Variants in ENPP3 observed in about 807,000 individuals in gnomAD.
ENPP3 encodes ectonucleotide pyrophosphatase/phosphodiesterase 3.
In ENPP3, 104 loss-of-function variants were observed where a neutral mutation model predicts 117.8. The ratio of observed to expected loss-of-function variants is 0.88; its 90% CI spans 0.75 to 1.04. The LOEUF (loss-of-function observed/expected upper bound fraction) is 1.04, where lower values mean the gene tolerates loss of function less well. Ranked by LOEUF, ENPP3 falls within the 50% of genes least tolerant of loss-of-function variation. The pLI, the probability that ENPP3 is intolerant of heterozygous loss-of-function variation, is 0.00. For synonymous variants in ENPP3, 380 were observed against 349.9 expected (o/e 1.09, Z -0.96); for missense variants, 1,026 against 1,051.9 (o/e 0.98, Z 0.34).
rs371355267 is a variant in ENPP3 at position 131,676,801 on chromosome 6, G to T, written c.938G>T (p.Arg313Ile). Residue 313 changes from arginine to isoleucine, a missense_variant and splice_region_variant, in exon 10 of 25, where the codon AGA becomes ATA. By Grantham distance (97) the Arg-to-Ile change is moderately conservative. Transcript: ENST00000357639. ...LKWLDLPKAE[R>I]PRFYTMYFEE... ...TGGCTGGACCTGCCCAAAGCTGAAA[G>T]GTAATGTCTAGTGTCAGAAAAGTGC... The T allele has an allele frequency of 1.2e-6, 2 of 1,604,040 alleles. No homozygotes were observed. Among genetic ancestry groups the T allele is most frequent in the Non-Finnish European group, 1.7e-6 (2 of 1,171,146 alleles).
At chr6:131,674,099 T>G in intron 7 of ENPP3, 63 bp from the exon 8 acceptor site, 1 of 1,037,350 alleles carries the variant, frequency 9.6e-7, no homozygotes, top group Middle Eastern at 3.2e-4. Flanking sequence ...GTGTGCTATT[T>G]TAATTTAAAT....
intron 2 of ENPP3, among the ~76,000 whole-genome samples, chr6:131,642,201 T>G (rs1286995003): frequency 4.6e-5 from 7 of 152,100 alleles, no homozygotes; most frequent in African/African-American, 1.7e-4. Flanking sequence ...CACTTAGTCT[T>G]GAAAGTCTTT....
chr6:131,739,241 A>G lies in ENPP3; in HGVS notation c.2301-983A>G, dbSNP rs181642191. Among the ~76,000 whole-genome samples, 43 of 152,324 alleles carry G rather than the reference A, an allele frequency of 2.8e-4. No individual in the cohort carries two copies. The East Asian group carries it at 7.3e-3, about 26-fold the overall frequency. Reference sequence around the variant, plus strand: ...ACAGTAATACATTTCTATTTATACCAGCTTGTATTCCTTTGGTGGAGTCAG... The same window carrying G: ...ACAGTAATACATTTCTATTTATACCGGCTTGTATTCCTTTGGTGGAGTCAG... On this transcript the variant is annotated intron_variant, in intron 23 of 24. Coordinates refer to ENST00000357639, the MANE Select transcript of ENPP3 (RefSeq NM_005021.5).
At chr6:131,698,103 G>A (rs1779448961) in intron 15 of ENPP3, among the ~76,000 whole-genome samples, 1 of 151,854 alleles carries the variant, frequency 6.6e-6, no homozygotes, top group Non-Finnish European at 1.5e-5. Flanking sequence ...ATGTGTGTGG[G>A]TGTGTGTGTG....
intron 15 of ENPP3, among the ~76,000 whole-genome samples, chr6:131,703,841 G>C (rs577186403): frequency 1.6e-4 from 24 of 150,676 alleles, no homozygotes; most frequent in Non-Finnish European, 3.1e-4. Flanking sequence ...CAATTATCAT[G>C]AGAGCTTTGT....
chr6:131,723,920 G>A lies in ENPP3; in HGVS notation c.1747-120G>A, dbSNP rs984510337. 2.7e-5 allele frequency: 18 copies of A among 662,886 alleles called. No individual in the cohort carries two copies. In the African/African-American group the frequency reaches 3.3e-4, roughly 12 times the overall value. 41.1% of individuals were successfully genotyped at this position (662,886 alleles called of 1,614,324 possible). On this transcript the variant is annotated intron_variant, in intron 18 of 24. Coordinates refer to ENST00000357639, the MANE Select transcript of ENPP3 (RefSeq NM_005021.5). ...AGAATCAGAATCTTAAGTTAGGCTA[G>A]CTTCTTTGGCAGTATAACATTTAAT...
chr6:131,742,128 T>C (rs1488032036), intron 24 of ENPP3, among the ~76,000 whole-genome samples: 2 of 152,092 alleles, frequency 1.3e-5, no homozygotes, highest in East Asian at 1.9e-4. Context: ...AGAGGCTGAA[T>C]AGTGAGCCAC....
At chr6:131,701,027 G>A in intron 15 of ENPP3, 1 of 539,650 alleles carries the variant, frequency 1.9e-6, no homozygotes, top group Non-Finnish European at 3.0e-6. Flanking sequence ...GGGGGTGGCA[G>A]ATGGCCACGT....
chr6:131,670,553 C>T (rs150630328), intron 6 of ENPP3, among the ~76,000 whole-genome samples: 2 of 152,190 alleles, frequency 1.3e-5, no homozygotes, highest in East Asian at 1.9e-4. Context: ...TGCAGTGGTG[C>T]GATGACAGCT....
chr6:131,674,219 A>C lies in ENPP3; in HGVS notation c.700A>C (p.Asn234His). ...IDNNMYDVNL[N>H]KNFSLSSKEQ... ...CAATAATATGTATGATGTAAATCTC[A>C]ACAAGAATTTTTCACTTTCTTCAAA... The change falls in exon 8 of 25, where the codon AAC becomes CAC. Residue 234 changes from asparagine to histidine, a missense_variant. Transcript: ENST00000357639. 6.2e-7 allele frequency: 1 copy of C among 1,605,750 alleles called. No individual in the cohort carries two copies. Among genetic ancestry groups the C allele is most frequent in the East Asian group, 2.2e-5 (1 of 44,814 alleles).
chr6:131,709,332 G>A, intron 15 of ENPP3: 2 of 1,339,756 alleles, frequency 1.5e-6, no homozygotes, highest in Non-Finnish European at 2.0e-6. Context: ...TCCCTGGGCT[G>A]CTTGGGCCTC....
intron 16 of ENPP3, among the ~76,000 whole-genome samples, chr6:131,719,035 T>C (rs986643040): frequency 2.0e-5 from 3 of 152,040 alleles, no homozygotes; most frequent in African/African-American, 4.8e-5. Context: ...AATAATAAAA[T>C]AATACATTAT....
At position 131,661,756 on chromosome 6, in the gene ENPP3, G is replaced by T. The variant is rs1201590420; in HGVS notation, c.562+3336G>T. Among the ~76,000 whole-genome samples the T allele has an allele frequency of 2.0e-5, 3 of 152,016 alleles. No individual in the cohort carries two copies. The East Asian group carries it at 5.8e-4, about 29-fold the overall frequency. On this transcript the variant is annotated intron_variant, in intron 6 of 24. Coordinates refer to ENST00000357639, the MANE Select transcript of ENPP3 (RefSeq NM_005021.5). ...TTTTAATGAGACTATTGTATTTTTT[G>T]CTATCAAGTTGTAGAAGTTCCTTAT... is the stretch of plus-strand genomic sequence containing the variant.
rs1779134608 is a variant in ENPP3, at chr6:131,685,481, A to G, written c.1238A>G (p.His413Arg). 6 of 1,613,696 alleles carry G rather than the reference A, an allele frequency of 3.7e-6. No homozygotes were observed. The highest frequency in any genetic ancestry group is 5.1e-6 in the Non-Finnish European group (6 of 1,179,860). The change falls in exon 13 of 25, where the codon CAT becomes CGT. Residue 413 changes from histidine to arginine, a missense_variant. His to Arg is a conservative substitution (Grantham distance 29). Coordinates refer to ENST00000357639, the MANE Select transcript of ENPP3 (RefSeq NM_005021.5). ...CGCATCCGAGCTCATAATATACCTCATGACTTTTTTAGTTGTAAGTATGAA... is the reference window on the plus strand; with the variant it reads ...CGCATCCGAGCTCATAATATACCTCGTGACTTTTTTAGTTGTAAGTATGAA... Reference protein sequence around the residue: ...APRIRAHNIPHDFFSFNSEEI... With the variant: ...APRIRAHNIPRDFFSFNSEEI...
chr6:131,685,577 G>T (rs1229354254), intron 13 of ENPP3, 82 bp downstream of exon 13: 1 of 1,404,794 alleles, frequency 7.1e-7, no homozygotes, highest in East Asian at 2.3e-5. Flanking sequence ...AGAGGAAGTT[G>T]GGGTTATCAG....
intron 20 of ENPP3, among the ~76,000 whole-genome samples, chr6:131,732,419 T>C (rs1003488315): frequency 6.6e-6 from 1 of 152,094 alleles, no homozygotes; most frequent in Non-Finnish European, 1.5e-5. Flanking sequence ...AAAGAAATTA[T>C]TATTATTTTT....
In ENPP3 at chr6:131,683,222, C is replaced by T; in HGVS notation, c.1120+60C>T. ...GACTATAATTTATCACTTCAGAAAT[C>T]ATACACAAATAATAGTGATATTTTA... is the stretch of plus-strand genomic sequence containing the variant. On this transcript the variant is annotated intron_variant, in intron 12 of 24. Coordinates refer to ENST00000357639, the MANE Select transcript of ENPP3 (RefSeq NM_005021.5). 3 of 924,668 alleles carry T rather than the reference C, an allele frequency of 3.2e-6. No individual in the cohort carries two copies. In the South Asian group the frequency reaches 4.2e-5, roughly 13 times the overall value. 57.3% of individuals were successfully genotyped at this position (924,668 alleles called of 1,614,324 possible).
chr6:131,657,077 A>ATTTTTTTT (rs1176374759), intron 5 of ENPP3, among the ~76,000 whole-genome samples: 1 of 152,076 alleles, frequency 6.6e-6, no homozygotes, highest in Non-Finnish European at 1.5e-5. Flanking sequence ...AAAAAGAAGT[A>ATTTTTTTT]TTTTCTCATG....
chr6:131,728,005 C>T (rs1010853054), intron 20 of ENPP3, among the ~76,000 whole-genome samples: 2 of 152,202 alleles, frequency 1.3e-5, no homozygotes, highest in Non-Finnish European at 2.9e-5. Flanking sequence ...TGAAAGCCAG[C>T]TCTGTTGCTG....
Sources: allele counts gnomAD v4.1 joint callset (sites outside exome capture counted in the v4.1 genomes callset), GRCh38; gene constraint gnomAD v4.1.1; transcripts MANE v1.5; gene names NCBI Gene and HGNC (gene_info 2026-07-23, HGNC 2026-07-21).